HDAC4: variants seen among roughly 807,000 people sequenced by gnomAD.
The protein encoded by HDAC4 is histone deacetylase 4, also known as histone deacetylase A.
In HDAC4, 16 loss-of-function variants were observed where a neutral mutation model predicts 135.1. The observed-to-expected ratio is 0.12, with a 90% CI of 0.08 to 0.18. The LOEUF is 0.18. Ranked by LOEUF, HDAC4 falls within the 10% of genes least tolerant of loss-of-function variation. HDAC4 has a pLI of 1.00. For synonymous variants in HDAC4, 685 were observed against 653.4 expected (o/e 1.05, Z -0.74); for missense variants, 1,143 against 1,511.8 (o/e 0.76, Z 4.05).
chr2:239,169,696 A>G (rs2043331866), intron 5 of HDAC4, among the ~76,000 whole-genome samples: 1 of 152,200 alleles, frequency 6.6e-6, no homozygotes, highest in Non-Finnish European at 1.5e-5. Flanking sequence ...ACAGCCGTCC[A>G]CTACCGAGAG....
intron 1 of HDAC4, among the ~76,000 whole-genome samples, chr2:239,371,411 G>T (rs1192098900): frequency 2.6e-5 from 4 of 151,848 alleles, no homozygotes; most frequent in African/African-American, 9.7e-5. Context: ...ACACAAGCAT[G>T]CACTTACACA....
chr2:239,077,100 G>C (rs2034841168), intron 22 of HDAC4, among the ~76,000 whole-genome samples: 1 of 152,170 alleles, frequency 6.6e-6, no homozygotes, highest in South Asian at 2.1e-4. Flanking sequence ...TCTTTGCCAG[G>C]TCCAAGTCTG....
chr2:239,357,655 G>T (rs572382247), intron 1 of HDAC4, among the ~76,000 whole-genome samples: 2 of 151,622 alleles, frequency 1.3e-5, no homozygotes, highest in Admixed American at 6.6e-5. Flanking sequence ...AGGCCGAGGT[G>T]GGGGGATTGC....
At chr2:239,056,569 G>A (rs779747762) in intron 24 of HDAC4, among the ~76,000 whole-genome samples, 10 of 152,296 alleles carry the variant, frequency 6.6e-5, no homozygotes, top group Middle Eastern at 3.4e-3. Flanking sequence ...GGAGTTCACC[G>A]GGATATGAAT....
chr2:239,289,576 C>T (rs1209269406), intron 2 of HDAC4, among the ~76,000 whole-genome samples: 1 of 130,764 alleles, frequency 7.6e-6, no homozygotes, highest in African/African-American at 2.8e-5. Context: ...ACAGGAGGAG[C>T]AGAGGTCTTT....
At chr2:239,169,739 G>A (rs1017084512) in intron 5 of HDAC4, among the ~76,000 whole-genome samples, 6 of 152,126 alleles carry the variant, frequency 3.9e-5, no homozygotes, top group African/African-American at 9.7e-5. Context: ...CCAGGCGTGC[G>A]TGTGTGCAGC....
chr2:239,274,144 C>T (rs895269785), intron 2 of HDAC4, among the ~76,000 whole-genome samples: 2 of 152,100 alleles, frequency 1.3e-5, no homozygotes, highest in Non-Finnish European at 2.9e-5. Flanking sequence ...TGAAATTTTC[C>T]GTAATAAAAA....
In HDAC4 at chr2:239,058,481, G is replaced by A. The variant is rs1212787317; in HGVS notation, c.3004-3648C>T. Among the ~76,000 whole-genome samples the A allele has an allele frequency of 2.6e-5, 4 of 152,336 alleles. No homozygotes were observed. In the East Asian group the frequency reaches 5.8e-4, roughly 22 times the overall value. On this transcript the variant is annotated intron_variant, in intron 24 of 26. Transcript: ENST00000543185. ...ATAATATATTGCCCAGGCTTTTGCT[G>A]TTTATAGGAGACACATCTGAAACTT...
chr2:239,302,541 C>A (rs1022660070), intron 2 of HDAC4, among the ~76,000 whole-genome samples: 13 of 152,228 alleles, frequency 8.5e-5, no homozygotes, highest in Non-Finnish European at 1.3e-4. Flanking sequence ...CCACGTGGGG[C>A]CATGACCAAG....
At position 239,245,116 on chromosome 2, in the gene HDAC4, G is replaced by C. The variant is rs959346330; in HGVS notation, c.23-8452C>G. On this transcript the variant is annotated intron_variant, in intron 2 of 26. Coordinates refer to ENST00000543185, the MANE Select transcript of HDAC4 (RefSeq NM_001378414.1). The surrounding 1 kb of genome is among the most constrained non-coding windows in gnomAD (Gnocchi z 4.4). ...ATTAGAGAAAATGAAAATGGAAAAA[G>C]ATTCTTTCCCTAAGCAATATTTTTC... Among the ~76,000 whole-genome samples the C allele has an allele frequency of 1.3e-5, 2 of 152,186 alleles. No individual in the cohort carries two copies. Among genetic ancestry groups the C allele is most frequent in the African/African-American group, 4.8e-5 (2 of 41,450 alleles).
intron 2 of HDAC4, among the ~76,000 whole-genome samples, chr2:239,248,382 C>T (rs1284814976): frequency 2.0e-5 from 3 of 152,028 alleles, no homozygotes; most frequent in East Asian, 3.9e-4. Flanking sequence ...GGGGTTTCAC[C>T]GTGTTAGCCA....
chr2:239,272,067 C>A (rs947058650), intron 2 of HDAC4, among the ~76,000 whole-genome samples: 1 of 152,186 alleles, frequency 6.6e-6, no homozygotes, highest in Non-Finnish European at 1.5e-5. Context: ...CACTTTCCCA[C>A]GGACATTCAA....
intron 24 of HDAC4, among the ~76,000 whole-genome samples, chr2:239,065,105 G>C (rs1336913332): frequency 6.6e-6 from 1 of 152,214 alleles, no homozygotes; most frequent in East Asian, 1.9e-4. Flanking sequence ...GGAGTGAGCA[G>C]GGCCAGCTTT....
intron 2 of HDAC4, among the ~76,000 whole-genome samples, chr2:239,305,746 G>A (rs1286383222): frequency 3.9e-5 from 6 of 152,150 alleles, no homozygotes; most frequent in Admixed American, 2.0e-4. Context: ...CTAGACTGAT[G>A]GCCACGAAAC....
rs143218700 is a variant in HDAC4 at position 239,056,271 on chromosome 2, G to A, written c.3004-1438C>T. ...GTCAGCACGAGCCTGGGTCAGGAGG[G>A]ATGATGAGCGAGGTTCCCAATCCCA... On this transcript the variant is annotated intron_variant, in intron 24 of 26. Coordinates refer to ENST00000543185, the MANE Select transcript of HDAC4 (RefSeq NM_001378414.1). 1.9e-3 allele frequency among the ~76,000 whole-genome samples: 286 copies of A among 152,360 alleles called. 2 individuals are homozygous for A. Among genetic ancestry groups the A allele is most frequent in the African/African-American group, 6.7e-3 (277 of 41,592 alleles).
At chr2:239,396,138 G>C (rs889522244) in intron 1 of HDAC4, among the ~76,000 whole-genome samples, 2 of 149,808 alleles carry the variant, frequency 1.3e-5, no homozygotes, top group Non-Finnish European at 3.0e-5. Flanking sequence ...CGTCATGCCT[G>C]ATTTTTTTTT....
At chr2:239,264,543 G>A (rs1575561378) in intron 2 of HDAC4, among the ~76,000 whole-genome samples, 1 of 152,368 alleles carries the variant, frequency 6.6e-6, no homozygotes, top group East Asian at 1.9e-4. Flanking sequence ...ACCAGAGGGA[G>A]ATGGCTTGGG....
At chr2:239,231,795 C>T (rs2047582355) in intron 3 of HDAC4, among the ~76,000 whole-genome samples, 1 of 46,048 alleles carries the variant, frequency 2.2e-5, no homozygotes, top group Non-Finnish European at 3.7e-5. Flanking sequence ...GCGCCCCTGT[C>T]CTCAACCGAG....
At chr2:239,302,004 AGGGGGT>A (rs1176800943) in intron 2 of HDAC4, among the ~76,000 whole-genome samples, 1 of 152,134 alleles carries the variant, frequency 6.6e-6, no homozygotes, top group Non-Finnish European at 1.5e-5. Context: ...AAAAACAGGC[AGGGGGT>A]GGGGGATTCA....
Sources: allele counts gnomAD v4.1 joint callset (sites outside exome capture counted in the v4.1 genomes callset), GRCh38; gene constraint gnomAD v4.1.1; non-coding constraint Gnocchi (gnomAD v3.1); transcripts MANE v1.5; gene names NCBI Gene and HGNC (gene_info 2026-07-23, HGNC 2026-07-21).